PDZD2: variants seen among roughly 807,000 people sequenced by gnomAD.
The protein encoded by PDZD2 is PDZ domain-containing protein 2.
PDZD2 carries 90 observed loss-of-function variants against 220.7 expected under a neutral mutation model. The ratio of observed to expected loss-of-function variants is 0.41; its 90% CI spans 0.34 to 0.49. PDZD2 has a LOEUF of 0.49. Ranked by LOEUF, PDZD2 falls within the 20% of genes least tolerant of loss-of-function variation. PDZD2 has a pLI of 0.28. For missense variants in PDZD2, 3,174 were observed against 3,608.5 expected (o/e 0.88, Z 3.08); for synonymous variants, 1,375 against 1,450.5 (o/e 0.95, Z 1.18).
intron 2 of PDZD2, among the ~76,000 whole-genome samples, chr5:31,965,175 G>C (rs1197745581): frequency 1.3e-5 from 2 of 152,184 alleles, no homozygotes; most frequent in South Asian, 2.1e-4. Context: ...TAATAAGCAA[G>C]AAAGAAAAGA....
chr5:31,781,222 TG>T (rs1753045321), intron 1 of PDZD2, among the ~76,000 whole-genome samples: 2 of 152,316 alleles, frequency 1.3e-5, no homozygotes, highest in African/African-American at 4.8e-5. Flanking sequence ...AAGGCCAGCC[TG>T]GCCAACGTGG....
rs914749883 is a variant in PDZD2 at position 31,700,978 on chromosome 5, A to G, written c.-361+61541A>G. 1.3e-5 allele frequency among the ~76,000 whole-genome samples: 2 copies of G among 152,204 alleles called. 1 individual carries two copies. The highest frequency in any genetic ancestry group is 2.9e-5 in the Non-Finnish European group (2 of 68,044). The stretch of plus-strand genomic sequence containing the variant: ...CCCAGTCCCTCTGTCCGTAGGACAC[A>G]GTCATCAGCTGAAGGACAGGCTGCC... On this transcript the variant is annotated intron_variant, in intron 1 of 24. Transcript: ENST00000438447.
intron 2 of PDZD2, among the ~76,000 whole-genome samples, chr5:31,969,967 C>T (rs376970378): frequency 2.3e-4 from 35 of 151,552 alleles, no homozygotes; most frequent in East Asian, 1.6e-3. Flanking sequence ...GGTGTGATCT[C>T]GGCTCACCGC....
chr5:32,090,790 C>T lies in PDZD2; in HGVS notation c.7342C>T (p.Pro2448Ser), dbSNP rs993324782. 6.2e-7 allele frequency: 1 copy of T among 1,614,104 alleles called. No homozygotes were observed. Among genetic ancestry groups the T allele is most frequent in the Non-Finnish European group, 8.5e-7 (1 of 1,180,028 alleles). The change falls in exon 20 of 25, where the codon CCT becomes TCT. Residue 2448 changes from proline to serine, a missense_variant. Coordinates refer to ENST00000438447, the MANE Select transcript of PDZD2 (RefSeq NM_178140.4). This position sits in a 1 kb window ranked among gnomAD's most constrained non-coding sequence, Gnocchi z 4.3. ...SDSELKKSLG[P>S]LGIPTPTMTL... Reference sequence around the variant, plus strand: ...TTCGGAACTAAAGAAATCACTTGGTCCTTTGGGAATTCCCACCCCAACGAT... The same window carrying T: ...TTCGGAACTAAAGAAATCACTTGGTTCTTTGGGAATTCCCACCCCAACGAT...
intron 2 of PDZD2, chr5:31,840,371 C>T (rs1757191686): frequency 6.9e-6 from 1 of 145,812 alleles, no homozygotes; most frequent in African/African-American, 2.6e-5. Context: ...ATCCCCCACA[C>T]TCATTCAAAG....
At chr5:32,061,275 T>G in intron 14 of PDZD2, 141 bp downstream of exon 14, 1 of 674,760 alleles carries the variant, frequency 1.5e-6, no homozygotes, top group Non-Finnish European at 2.5e-6. Flanking sequence ...GAATCTCTAA[T>G]CTGGACTTTG....
chr5:31,726,035 C>T (rs192696655), intron 1 of PDZD2: 192 of 343,236 alleles, frequency 5.6e-4, no homozygotes, highest in African/African-American at 3.7e-3. Flanking sequence ...CGTGCTGAAC[C>T]GAGAAGGCAG....
intron 1 of PDZD2, among the ~76,000 whole-genome samples, chr5:31,738,025 A>G (rs1233387102): frequency 6.6e-6 from 1 of 152,260 alleles, no homozygotes; most frequent in Non-Finnish European, 1.5e-5. Context: ...ATGGAAGACA[A>G]CAGACCTGAA....
intron 19 of PDZD2, among the ~76,000 whole-genome samples, chr5:32,080,303 A>G (rs924231765): frequency 1.4e-5 from 2 of 142,164 alleles, no homozygotes; most frequent in Non-Finnish European, 3.0e-5. Context: ...AGCTGAGATC[A>G]CACCACTGCA....
chr5:32,053,799 G>C lies in PDZD2; in HGVS notation c.1816G>C (p.Asp606His). 6.2e-7 allele frequency: 1 copy of C among 1,612,884 alleles called. No individual in the cohort carries two copies. Among genetic ancestry groups the C allele is most frequent in the East Asian group, 2.2e-5 (1 of 44,882 alleles). ...TGGCTTTAGTATTGCTGGAGGTCGAGACTGCATTCGTGGACAGATGGGGAT... is the reference window on the plus strand; with the variant it reads ...TGGCTTTAGTATTGCTGGAGGTCGACACTGCATTCGTGGACAGATGGGGAT... The part of the protein sequence containing the change: ...GLGFSIAGGR[D>H]CIRGQMGIFV... Residue 606 changes from aspartate to histidine, a missense_variant, in exon 10 of 25, where the codon GAC becomes CAC. By Grantham distance (81) the Asp-to-His change is moderately conservative. Transcript: ENST00000438447.
intron 3 of PDZD2, among the ~76,000 whole-genome samples, chr5:31,983,892 C>T (rs1328594919): frequency 6.6e-6 from 1 of 152,178 alleles, no homozygotes; most frequent in Non-Finnish European, 1.5e-5. Flanking sequence ...AAGCTCCAGT[C>T]ATTTTATCCT....
chr5:32,103,007 GAAGA>G (rs1201640706), intron 24 of PDZD2, among the ~76,000 whole-genome samples: 1 of 152,148 alleles, frequency 6.6e-6, no homozygotes, highest in Non-Finnish European at 1.5e-5. Context: ...AAATCCATGT[GAAGA>G]TAGATAGAAT....
intron 6 of PDZD2, among the ~76,000 whole-genome samples, chr5:32,030,863 T>A (rs1755062652): frequency 6.6e-6 from 1 of 152,160 alleles, no homozygotes; most frequent in Non-Finnish European, 1.5e-5. Flanking sequence ...TTAGAGTCCC[T>A]CATTTCATGC....
chr5:31,739,949 C>T (rs1750146731), intron 1 of PDZD2, among the ~76,000 whole-genome samples: 1 of 152,188 alleles, frequency 6.6e-6, no homozygotes, highest in African/African-American at 2.4e-5. Context: ...GGCCAACTTT[C>T]TCAAAATACT....
chr5:31,911,085 T>G (rs1488056448), intron 2 of PDZD2, among the ~76,000 whole-genome samples: 1 of 152,194 alleles, frequency 6.6e-6, no homozygotes, highest in Non-Finnish European at 1.5e-5. Context: ...GACTCAAATA[T>G]GTAACAACTT....
At chr5:31,645,685 C>G (rs1467941705) in intron 1 of PDZD2, among the ~76,000 whole-genome samples, 2 of 152,102 alleles carry the variant, frequency 1.3e-5, no homozygotes, top group African/African-American at 4.8e-5. Flanking sequence ...GCTTTACAAG[C>G]CCTAGACTTT....
At position 31,983,403 on chromosome 5, in the gene PDZD2, T is replaced by C. The variant is rs1259787324; in HGVS notation, c.725T>C (p.Val242Ala). Reference sequence around the variant, plus strand: ...TCCAAGGGCAGCGCTGGCTGTGAGGTGTCCAGTGACCCCAGCACTGAGCTG... The same window carrying C: ...TCCAAGGGCAGCGCTGGCTGTGAGGCGTCCAGTGACCCCAGCACTGAGCTG... ...EESKGSAGCE[V>A]SSDPSTELEN... The change falls in exon 3 of 25, where the codon GTG becomes GCG. Residue 242 changes from valine to alanine, a missense_variant. Physicochemically the swap from Val to Ala is moderately conservative, Grantham distance 64. Around this residue, in one of 4 missense-constraint regions of PDZD2, gnomAD observed 632 missense variants for 708.1 expected, o/e 0.89. Transcript: ENST00000438447. 2.5e-6 allele frequency: 4 copies of C among 1,614,022 alleles called. No homozygotes were observed. The highest frequency in any genetic ancestry group is 1.1e-5 in the South Asian group (1 of 91,096).
At chr5:32,082,594 A>G (rs1377717480) in intron 19 of PDZD2, among the ~76,000 whole-genome samples, 1 of 152,150 alleles carries the variant, frequency 6.6e-6, no homozygotes, top group Non-Finnish European at 1.5e-5. Context: ...TTTGGAACAC[A>G]ATCTGGTACC....
chr5:31,675,634 G>A (rs10520988), intron 1 of PDZD2, among the ~76,000 whole-genome samples: 6,438 of 152,228 alleles, frequency 0.042, 187 homozygotes, highest in East Asian at 0.077. Context: ...CCAGAATCAC[G>A]TGGCCCAATC....
Sources: allele counts gnomAD v4.1 joint callset (sites outside exome capture counted in the v4.1 genomes callset), GRCh38; gene constraint gnomAD v4.1.1; regional missense constraint gnomAD v4.1.1; non-coding constraint Gnocchi (gnomAD v3.1); transcripts MANE v1.5; gene names NCBI Gene and HGNC (gene_info 2026-07-23, HGNC 2026-07-21).